CNTN4: variants seen among roughly 807,000 people sequenced by gnomAD.
The protein encoded by CNTN4 is contactin-4.
Under a neutral mutation model 122.5 loss-of-function variants are expected in CNTN4, and 77 were observed. The ratio of observed to expected loss-of-function variants is 0.63; its 90% CI spans 0.52 to 0.76. The LOEUF (loss-of-function observed/expected upper bound fraction) is 0.76. CNTN4 is among the 30% of genes least tolerant of loss of function. The pLI is 0.00. For synonymous variants in CNTN4, 512 were observed against 447.0 expected (o/e 1.15, Z -1.83); for missense variants, 1,256 against 1,259.1 (o/e 1.00, Z 0.04).
At chr3:3,000,595 C>T (rs1489027181) in intron 14 of CNTN4, among the ~76,000 whole-genome samples, 2 of 152,204 alleles carry the variant, frequency 1.3e-5, no homozygotes, top group Non-Finnish European at 2.9e-5. Context: ...TAGACATCTA[C>T]TCTAGGGAAA....
intron 3 of CNTN4, among the ~76,000 whole-genome samples, chr3:2,568,919 C>G (rs916715126): frequency 6.6e-6 from 1 of 152,116 alleles, no homozygotes; most frequent in Non-Finnish European, 1.5e-5. Flanking sequence ...TAATTGCTTC[C>G]AGAAACTGCT....
intron 3 of CNTN4, among the ~76,000 whole-genome samples, chr3:2,561,038 C>T (rs116471645): frequency 1.0e-3 from 157 of 152,252 alleles, no homozygotes; most frequent in African/African-American, 3.5e-3. Flanking sequence ...GCAAGCTGTG[C>T]GTAATGATGG....
At chr3:3,037,079 A>G in intron 17 of CNTN4, 100 bp from the exon 18 acceptor site, 2 of 1,363,674 alleles carry the variant, frequency 1.5e-6, no homozygotes, top group Non-Finnish European at 2.1e-6. Flanking sequence ...TGAATACAAT[A>G]ATGATGAGGA....
chr3:2,996,771 A>G (rs1429458047), intron 14 of CNTN4, among the ~76,000 whole-genome samples: 2 of 152,188 alleles, frequency 1.3e-5, no homozygotes, highest in East Asian at 1.9e-4. Flanking sequence ...GTCATAGGCC[A>G]TACTAATTGC....
chr3:2,972,029 T>G (rs1692976826), intron 13 of CNTN4, among the ~76,000 whole-genome samples: 1 of 152,174 alleles, frequency 6.6e-6, no homozygotes, highest in Non-Finnish European at 1.5e-5. Context: ...AGCCTCCTAT[T>G]TTCCAAGCAC....
intron 2 of CNTN4, among the ~76,000 whole-genome samples, chr3:2,132,138 A>G (rs956922276): frequency 2.6e-5 from 4 of 152,158 alleles, no homozygotes; most frequent in African/African-American, 7.2e-5. Flanking sequence ...AAGTCTGATC[A>G]TTATGCTGTG....
intron 10 of CNTN4, among the ~76,000 whole-genome samples, chr3:2,891,139 T>G (rs1271306444): frequency 2.0e-5 from 3 of 152,188 alleles, no homozygotes; most frequent in Non-Finnish European, 2.9e-5. Flanking sequence ...CTAGGAAATT[T>G]TATTTTTTGG....
At chr3:2,535,232 C>A (rs533950218) in intron 3 of CNTN4, among the ~76,000 whole-genome samples, 1 of 152,204 alleles carries the variant, frequency 6.6e-6, no homozygotes, top group East Asian at 1.9e-4. Context: ...ATGACACATC[C>A]CCCATGGTTG....
intron 3 of CNTN4, among the ~76,000 whole-genome samples, chr3:2,430,939 A>G (rs2048045923): frequency 6.6e-6 from 1 of 152,214 alleles, no homozygotes; most frequent in Non-Finnish European, 1.5e-5. Flanking sequence ...TCATAATGCT[A>G]AGTGTCTCAC....
intron 2 of CNTN4, among the ~76,000 whole-genome samples, chr3:2,120,477 G>C (rs1237538526): frequency 4.1e-5 from 6 of 145,442 alleles, no homozygotes; most frequent in African/African-American, 1.6e-4. Flanking sequence ...GGTCTCCACG[G>C]ACTGCGAGCT....
chr3:2,434,369 T>C (rs2048187328), intron 3 of CNTN4, among the ~76,000 whole-genome samples: 1 of 152,118 alleles, frequency 6.6e-6, no homozygotes, highest in African/African-American at 2.4e-5. Flanking sequence ...AGAAAGACTC[T>C]ACAAGAAGAG....
intron 8 of CNTN4, chr3:2,882,811 G>C (rs971766517): frequency 8.5e-5 from 24 of 282,704 alleles, no homozygotes; most frequent in Admixed American, 1.4e-4. Flanking sequence ...CTTCCAAAGA[G>C]ATAATTTAAT....
At chr3:2,863,375 G>A (rs1180190751) in intron 7 of CNTN4, among the ~76,000 whole-genome samples, 7 of 148,424 alleles carry the variant, frequency 4.7e-5, no homozygotes, top group Admixed American at 4.7e-4. Context: ...AATGTCAGAT[G>A]TTGAACCATG....
intron 4 of CNTN4, among the ~76,000 whole-genome samples, chr3:2,587,221 G>A (rs2080242882): frequency 6.6e-6 from 1 of 152,096 alleles, no homozygotes; most frequent in East Asian, 1.9e-4. Context: ...ACCACTCTCA[G>A]GGGAATTATG....
chr3:2,585,322 A>T (rs1559270229), intron 4 of CNTN4, among the ~76,000 whole-genome samples: 1 of 151,222 alleles, frequency 6.6e-6, no homozygotes, highest in African/African-American at 2.4e-5. Flanking sequence ...CATTTGACCC[A>T]GCCATCCCCT....
chr3:2,870,851 C>G (rs2093776120), intron 8 of CNTN4, among the ~76,000 whole-genome samples: 2 of 152,124 alleles, frequency 1.3e-5, no homozygotes, highest in South Asian at 4.1e-4. Context: ...ACTATGATTT[C>G]TTATTTGTAC....
chr3:2,906,109 C>T (rs1402058877), intron 12 of CNTN4, among the ~76,000 whole-genome samples: 1 of 151,906 alleles, frequency 6.6e-6, no homozygotes, highest in Non-Finnish European at 1.5e-5. Flanking sequence ...CACATGATCT[C>T]ACTCATAAGT....
intron 2 of CNTN4, among the ~76,000 whole-genome samples, chr3:2,177,680 G>A (rs1270752818): frequency 2.6e-5 from 4 of 151,668 alleles, no homozygotes; most frequent in Non-Finnish European, 4.4e-5. Flanking sequence ...GTGTGTGTGT[G>A]TGTGTGTGTG....
intron 4 of CNTN4, among the ~76,000 whole-genome samples, chr3:2,607,277 G>C (rs544146736): frequency 2.0e-5 from 3 of 152,112 alleles, no homozygotes; most frequent in Non-Finnish European, 4.4e-5. Flanking sequence ...ATCTAGCCAT[G>C]ATAATTCTAG....
Sources: gnomAD v4.1 joint callset for allele counts (sites outside exome capture counted in the v4.1 genomes callset) on GRCh38, gnomAD v4.1.1 for gene constraint, MANE v1.5 for transcripts, NCBI Gene and HGNC (gene_info 2026-07-23, HGNC 2026-07-21) for gene names.